PPFIA1: variants seen among roughly 807,000 people sequenced by gnomAD.
PPFIA1 encodes liprin-alpha-1.
A neutral mutation model predicts 149.9 loss-of-function variants in PPFIA1; 25 were observed. That is an observed-to-expected ratio of 0.17 (90% confidence interval 0.12 to 0.23). The LOEUF (loss-of-function observed/expected upper bound fraction) is 0.23, where lower values mean the gene tolerates loss of function less well. Among genes scored for constraint, PPFIA1 ranks in the 10% least tolerant of loss-of-function variants. PPFIA1 has a pLI of 1.00. For synonymous variants in PPFIA1, 549 were observed against 552.8 expected (o/e 0.99, Z 0.10); for missense variants, 1,362 against 1,506.5 (o/e 0.90, Z 1.59).
chr11:70,288,229 G>A (rs1323498913), intron 2 of PPFIA1, among the ~76,000 whole-genome samples: 1 of 151,986 alleles, frequency 6.6e-6, no homozygotes, highest in Non-Finnish European at 1.5e-5. Context: ...CCGCCACCAT[G>A]CCCGGCTAAT....
chr11:70,351,774 T>C (rs2056070277), intron 16 of PPFIA1, among the ~76,000 whole-genome samples: 1 of 152,180 alleles, frequency 6.6e-6, no homozygotes. Flanking sequence ...ACAGTGCAGA[T>C]TTGAGTTCAG....
intron 10 of PPFIA1, among the ~76,000 whole-genome samples, chr11:70,333,931 A>G (rs900183263): frequency 6.6e-6 from 1 of 152,136 alleles, no homozygotes; most frequent in Non-Finnish European, 1.5e-5. Flanking sequence ...TGACTAGTCC[A>G]CTTTTCTAGG....
At chr11:70,274,315 C>T (rs762963252) in intron 2 of PPFIA1, among the ~76,000 whole-genome samples, 12 of 152,084 alleles carry the variant, frequency 7.9e-5, no homozygotes, top group East Asian at 1.9e-4. Context: ...ATTCACAAAT[C>T]GTAAGTATAC....
At chr11:70,339,468 T>A (rs1349163947) in intron 14 of PPFIA1, among the ~76,000 whole-genome samples, 162 bp downstream of exon 14, 2 of 152,302 alleles carry the variant, frequency 1.3e-5, no homozygotes, top group South Asian at 4.1e-4. Flanking sequence ...GAGCATTTTT[T>A]AAAATAGGGT....
intron 10 of PPFIA1, 50 bp downstream of exon 10, chr11:70,333,603 C>T (rs763889206): frequency 2.1e-6 from 3 of 1,459,014 alleles, no homozygotes; most frequent in Non-Finnish European, 2.8e-6. Context: ...GCTGCAAGGT[C>T]ATTGCTCGGC....
At chr11:70,292,486 C>T (rs2051603729) in intron 2 of PPFIA1, among the ~76,000 whole-genome samples, 1 of 152,200 alleles carries the variant, frequency 6.6e-6, no homozygotes, top group Non-Finnish European at 1.5e-5. Context: ...TGTCACGTTC[C>T]CTCATCACTG....
intron 2 of PPFIA1, among the ~76,000 whole-genome samples, chr11:70,277,837 A>G (rs553788349): frequency 6.6e-6 from 1 of 152,168 alleles, no homozygotes; most frequent in East Asian, 1.9e-4. Flanking sequence ...CTTTGAGTTC[A>G]TATCTGTGGA....
intron 2 of PPFIA1, among the ~76,000 whole-genome samples, chr11:70,316,162 C>T (rs546964070): frequency 2.0e-5 from 3 of 152,226 alleles, no homozygotes; most frequent in Admixed American, 1.3e-4. Flanking sequence ...GCCTCTGCCT[C>T]CCAGGTTCAA....
intron 5 of PPFIA1, 62 bp from the exon 6 acceptor site, chr11:70,326,200 T>C (rs1565397457): frequency 2.1e-6 from 2 of 967,002 alleles, no homozygotes; most frequent in Non-Finnish European, 3.1e-6. Flanking sequence ...GGAGTTTTGC[T>C]ATCTTTACTT....
rs143654216 is a variant in PPFIA1 at position 70,329,801 on chromosome 11, G to A, written c.931-372G>A. 1.6e-4 allele frequency: 30 copies of A among 192,990 alleles called. No individual in the cohort carries two copies. In the East Asian group the frequency reaches 2.6e-3, roughly 16 times the overall value. 12.0% of individuals were successfully genotyped at this position (192,990 alleles called of 1,614,324 possible). On this transcript the variant is annotated intron_variant, in intron 7 of 27. Coordinates refer to ENST00000253925, the MANE Select transcript of PPFIA1 (RefSeq NM_003626.5). Reference sequence around the variant, plus strand: ...AAATTAGTTGGATATAGGAGTGTGCGCTTGTAGTCCCAGCTACTGGGAAGA... The same window carrying A: ...AAATTAGTTGGATATAGGAGTGTGCACTTGTAGTCCCAGCTACTGGGAAGA...
At chr11:70,283,763 G>A (rs898828661) in intron 2 of PPFIA1, among the ~76,000 whole-genome samples, 7 of 151,456 alleles carry the variant, frequency 4.6e-5, no homozygotes, top group Non-Finnish European at 1.0e-4. Flanking sequence ...TCAAGCTTGC[G>A]GGGAGAAGGG....
intron 1 of PPFIA1, chr11:70,271,892 A>G (rs977631952): frequency 4.2e-6 from 1 of 236,682 alleles, no homozygotes; most frequent in Non-Finnish European, 8.1e-6. Flanking sequence ...CAGCTTTGCA[A>G]ACAGACTACC....
rs1367347790 is a variant in PPFIA1 at position 70,348,192 on chromosome 11, G to C, written c.1935G>C (p.Leu645Phe). The C allele has an allele frequency of 6.2e-7, 1 of 1,614,124 alleles. No homozygotes were observed. The highest frequency in any genetic ancestry group is 1.3e-5 in the African/African-American group (1 of 75,024). Residue 645 changes from leucine to phenylalanine, a missense_variant, in exon 16 of 28, where the codon TTG becomes TTC. Coordinates refer to ENST00000253925, the MANE Select transcript of PPFIA1 (RefSeq NM_003626.5). Reference sequence around the variant, plus strand: ...GACTGCTTTTGTTTTATTTTAGGTTGATTCAGGAAGAAAAAGAAAATACAG... The same window carrying C: ...GACTGCTTTTGTTTTATTTTAGGTTCATTCAGGAAGAAAAAGAAAATACAG... The part of the protein sequence containing the change: ...QLDAINKEIR[L>F]IQEEKENTEQ...
chr11:70,352,612 C>T (rs1352288646), intron 16 of PPFIA1, among the ~76,000 whole-genome samples: 1 of 152,058 alleles, frequency 6.6e-6, no homozygotes, highest in Non-Finnish European at 1.5e-5. Flanking sequence ...CGCCTTCCTT[C>T]TCTGTGTCAG....
chr11:70,366,244 G>A (rs2056929903), intron 21 of PPFIA1, among the ~76,000 whole-genome samples: 1 of 152,184 alleles, frequency 6.6e-6, no homozygotes, highest in African/African-American at 2.4e-5. Flanking sequence ...TGTATACAAA[G>A]TCTTGTGGCT....
intron 2 of PPFIA1, among the ~76,000 whole-genome samples, chr11:70,321,750 C>T (rs1024060650): frequency 6.6e-6 from 1 of 152,104 alleles, no homozygotes; most frequent in African/African-American, 2.4e-5. Flanking sequence ...CAAAATTGAC[C>T]CAGATGACAG....
At chr11:70,303,689 C>G (rs1163870851) in intron 2 of PPFIA1, among the ~76,000 whole-genome samples, 1 of 152,120 alleles carries the variant, frequency 6.6e-6, no homozygotes, top group Non-Finnish European at 1.5e-5. Flanking sequence ...CTGGCTACCC[C>G]CTAGGTAGCC....
chr11:70,271,519 A>ATT lies in PPFIA1; in HGVS notation c.-1+614_-1+615dup, dbSNP rs57257907. Among the ~76,000 whole-genome samples, 78 of 149,822 alleles carry ATT rather than the reference A, an allele frequency of 5.2e-4. 2 individuals carry two copies. Among genetic ancestry groups the ATT allele is most frequent in the Admixed American group, 2.3e-3 (35 of 15,062 alleles). ...TCGACCTGCTATATTTCCATTGTGG[A>ATT]TTTTTTTTTTCGGTTGTAAACTTAC... On this transcript the variant is annotated intron_variant, in intron 1 of 27. Transcript: ENST00000253925.
At chr11:70,323,277 C>T (rs574647164) in intron 2 of PPFIA1, among the ~76,000 whole-genome samples, 3 of 152,130 alleles carry the variant, frequency 2.0e-5, no homozygotes, top group South Asian at 2.1e-4. Flanking sequence ...CCCTGAATGA[C>T]GCCCCTGGTC....
Sources: gnomAD v4.1 joint callset for allele counts (sites outside exome capture counted in the v4.1 genomes callset) on GRCh38, gnomAD v4.1.1 for gene constraint, MANE v1.5 for transcripts, NCBI Gene and HGNC (gene_info 2026-07-23, HGNC 2026-07-21) for gene names.